TMEM40: variants seen among roughly 807,000 people sequenced by gnomAD.
TMEM40 encodes the protein transmembrane protein 40.
TMEM40 carries 34 observed loss-of-function variants against 40.8 expected under a neutral mutation model. The observed-to-expected ratio is 0.83, with a 90% CI of 0.63 to 1.11. The LOEUF (loss-of-function observed/expected upper bound fraction) is 1.11. Ranked by LOEUF, TMEM40 falls within the 50% of genes least tolerant of loss-of-function variation. The pLI, the probability that TMEM40 is intolerant of heterozygous loss-of-function variation, is 0.00. For missense variants in TMEM40, 296 were observed against 280.2 expected, an observed-to-expected ratio of 1.06 and a Z score of -0.40; for synonymous variants, 106 against 107.0, an observed-to-expected ratio of 0.99 and a Z score of 0.06.
intron 1 of TMEM40, among the ~76,000 whole-genome samples, chr3:12,755,252 T>TTTCTTTCC: frequency 8.7e-6 from 1 of 115,112 alleles, no homozygotes; most frequent in South Asian, 2.6e-4. Flanking sequence ...TCTTTCTTTC[T>TTTCTTTCC]TTCTTTCTTT....
intron 10 of TMEM40, 109 bp from the exon 11 acceptor site, chr3:12,735,726 A>C: frequency 2.3e-6 from 2 of 856,008 alleles, no homozygotes; most frequent in Non-Finnish European, 3.7e-6. Flanking sequence ...TGATGGTGGA[A>C]CTTCAGGCAG....
At position 12,742,446 on chromosome 3, in the gene TMEM40, C is replaced by T. The variant is rs1413418784; in HGVS notation, c.355+8G>A. On this transcript the variant is annotated splice_region_variant and intron_variant, in intron 5 of 11. Coordinates refer to ENST00000314124, the MANE Select transcript of TMEM40 (RefSeq NM_018306.4). ...TGTTTTCTCCAAAGCTACTGGGCAA[C>T]TGATTACCTCCATAGAGTTGAAGCT... 6.2e-7 allele frequency: 1 copy of T among 1,613,354 alleles called. No homozygotes were observed. Among genetic ancestry groups the T allele is most frequent in the Admixed American group, 1.7e-5 (1 of 59,984 alleles).
intron 1 of TMEM40, among the ~76,000 whole-genome samples, chr3:12,754,022 G>C (rs2106619095): frequency 6.6e-6 from 1 of 152,300 alleles, no homozygotes; most frequent in African/African-American, 2.4e-5. Context: ...AGAGGAAACT[G>C]AGGCCCTGAA....
Position 12,768,343 on chromosome 3 carries a change from A to T in TMEM40, c.-9+908T>A, listed in dbSNP as rs375742634. 1.7e-3 allele frequency among the ~76,000 whole-genome samples: 257 copies of T among 151,688 alleles called. 14 individuals are homozygous for T. The South Asian group carries it at 0.052, about 31-fold the overall frequency. ...TGAAAGGTGACCCCAGCGGGTTACC[A>T]CTGCTGGCTGGGGCAGCCTGCTTTT... On this transcript the variant is annotated intron_variant, in intron 1 of 11. Transcript: ENST00000264728.
chr3:12,764,101 CG>C (rs370285323), upstream of TMEM40, among the ~76,000 whole-genome samples: 1 of 151,678 alleles, frequency 6.6e-6, no homozygotes, highest in African/African-American at 2.4e-5. Flanking sequence ...TTAGTAGAGA[CG>C]GGGGTCTCAC....
intron 3 of TMEM40, among the ~76,000 whole-genome samples, chr3:12,745,920 C>T (rs1316547639): frequency 2.0e-5 from 3 of 149,788 alleles, no homozygotes; most frequent in Non-Finnish European, 3.0e-5. Context: ...TTTTTTGAAA[C>T]GGAGTCTCAC....
chr3:12,742,041 C>T (rs1023731397), intron 5 of TMEM40, among the ~76,000 whole-genome samples: 3 of 152,118 alleles, frequency 2.0e-5, no homozygotes, highest in African/African-American at 7.2e-5. Context: ...ACCATCCTGG[C>T]CAACATAGTG....
In TMEM40 at chr3:12,737,765, A is replaced by T; in HGVS notation, c.425-11T>A. The T allele has an allele frequency of 6.2e-7, 1 of 1,613,042 alleles. No homozygotes were observed. The highest frequency in any genetic ancestry group is 8.5e-7 in the Non-Finnish European group (1 of 1,179,124). On this transcript the variant is annotated splice_polypyrimidine_tract_variant and intron_variant, in intron 7 of 11. Coordinates refer to ENST00000314124, the MANE Select transcript of TMEM40 (RefSeq NM_018306.4). ...AGGCCTCCACTTCTCCTTAAGAACAAGAGAGAGATGAATATTTAACTTTGA... is the reference window on the plus strand; with the variant it reads ...AGGCCTCCACTTCTCCTTAAGAACATGAGAGAGATGAATATTTAACTTTGA...
chr3:12,742,378 A>T, intron 5 of TMEM40, 76 bp downstream of exon 5: 1 of 1,546,102 alleles, frequency 6.5e-7, no homozygotes, highest in Non-Finnish European at 8.9e-7. Flanking sequence ...CACCCTCATG[A>T]CCTTGTTTCT....
chr3:12,751,500 G>A lies in TMEM40; in HGVS notation c.-8-1660C>T, dbSNP rs58658772. On this transcript the variant is annotated intron_variant, in intron 1 of 11. Coordinates refer to ENST00000314124, the MANE Select transcript of TMEM40 (RefSeq NM_018306.4). ...TCACCATATTGGCCAGGCTGGTCTCGAACTCCTGACCTTGTGATCCGCCCG... is the reference window on the plus strand; with the variant it reads ...TCACCATATTGGCCAGGCTGGTCTCAAACTCCTGACCTTGTGATCCGCCCG... Among the ~76,000 whole-genome samples the A allele has an allele frequency of 3.8e-3, 575 of 151,716 alleles. 4 individuals are homozygous for A. The highest frequency in any genetic ancestry group is 0.013 in the African/African-American group (539 of 41,374).
intron 1 of TMEM40, among the ~76,000 whole-genome samples, chr3:12,752,574 G>A (rs995735327): frequency 3.3e-5 from 5 of 152,092 alleles, no homozygotes; most frequent in East Asian, 3.9e-4. Context: ...TGAGGCGGGC[G>A]GATCACAAGG....
chr3:12,748,768 T>A lies in TMEM40; in HGVS notation c.98A>T (p.Gln33Leu). Reference sequence around the variant, plus strand: ...GGAAAAGAGTCCAGCCTTCCCATCTTGCTTGTGGAAATCTGTCTCTCCATC... The same window carrying A: ...GGAAAAGAGTCCAGCCTTCCCATCTAGCTTGTGGAAATCTGTCTCTCCATC... ...VDYGETDFHKQDGKAGLFSQE... is the reference protein window; with the variant it reads ...VDYGETDFHKLDGKAGLFSQE... Residue 33 changes from glutamine to leucine, a missense_variant, in exon 3 of 12, where the codon CAA becomes CTA. Coordinates refer to ENST00000314124, the MANE Select transcript of TMEM40 (RefSeq NM_018306.4). 1.2e-6 allele frequency: 2 copies of A among 1,614,132 alleles called. No individual in the cohort carries two copies. The highest frequency in any genetic ancestry group is 1.7e-6 in the Non-Finnish European group (2 of 1,180,006).
intron 5 of TMEM40, 58 bp downstream of exon 5, chr3:12,742,396 A>G: frequency 1.3e-6 from 2 of 1,589,746 alleles, no homozygotes; most frequent in Non-Finnish European, 1.7e-6. Context: ...TCTGCCCAGC[A>G]AAGCCCTCTT....
intron 1 of TMEM40, among the ~76,000 whole-genome samples, chr3:12,756,749 CTT>C (rs1286617157): frequency 6.6e-6 from 1 of 151,904 alleles, no homozygotes; most frequent in Non-Finnish European, 1.5e-5. Context: ...TCTTTCCCAT[CTT>C]TCTCTCTCTC....
intron 1 of TMEM40, among the ~76,000 whole-genome samples, chr3:12,765,929 T>C (rs2061592120): frequency 6.6e-6 from 1 of 152,048 alleles, no homozygotes; most frequent in East Asian, 1.9e-4. Flanking sequence ...CCATCTCTGC[T>C]CACTGCAACC....
chr3:12,738,110 TCTC>T (rs753694096), intron 7 of TMEM40, 23 bp downstream of exon 7: 18 of 1,613,154 alleles, frequency 1.1e-5, no homozygotes, highest in Non-Finnish European at 1.4e-5. Flanking sequence ...CCGCTCTGGC[TCTC>T]CTATTTGAGC....
chr3:12,768,986 CG>C (rs1211048019), intron 1 of TMEM40, among the ~76,000 whole-genome samples: 1 of 150,644 alleles, frequency 6.6e-6, no homozygotes, highest in African/African-American at 2.4e-5. Context: ...ACAGGCAAGG[CG>C]CACTGCAGGT....
chr3:12,766,854 A>G (rs1368697846), intron 1 of TMEM40, among the ~76,000 whole-genome samples: 2 of 146,274 alleles, frequency 1.4e-5, no homozygotes, highest in African/African-American at 2.8e-5. Context: ...AGGGGGGACC[A>G]GGACCCAGAT....
chr3:12,749,744 G>A lies in TMEM40; in HGVS notation c.73+16C>T. 6.2e-7 allele frequency: 1 copy of A among 1,612,262 alleles called. No individual in the cohort carries two copies. Among genetic ancestry groups the A allele is most frequent in the Non-Finnish European group, 8.5e-7 (1 of 1,179,492 alleles). On this transcript the variant is annotated intron_variant, in intron 2 of 11. Coordinates refer to ENST00000314124, the MANE Select transcript of TMEM40 (RefSeq NM_018306.4). ...CCATGTGGTTTTGCCCAGAGGGTCA[G>A]AGAAGGCAAACGTACAGTCTACATC... is the stretch of plus-strand genomic sequence containing the variant.
Sources: allele counts gnomAD v4.1 joint callset (sites outside exome capture counted in the v4.1 genomes callset), GRCh38; gene constraint gnomAD v4.1.1; transcripts MANE v1.5; gene names NCBI Gene and HGNC (gene_info 2026-07-23, HGNC 2026-07-21).